Variants in LRRIQ1 observed in about 807,000 individuals in gnomAD.
LRRIQ1 encodes the protein leucine-rich repeat- and IQ domain-containing protein 1.
A neutral mutation model predicts 211.9 loss-of-function variants in LRRIQ1; 210 were observed. The ratio of observed to expected loss-of-function variants is 0.99; its 90% confidence interval spans 0.89 to 1.11. LRRIQ1 has a LOEUF of 1.11. LRRIQ1 is among the 50% of genes most tolerant of loss of function. The pLI, the probability that LRRIQ1 is intolerant of heterozygous loss-of-function variation, is 0.00. For synonymous variants in LRRIQ1, 699 were observed against 650.1 expected, an observed-to-expected ratio of 1.08 and a Z score of -1.14; for missense variants, 2,136 against 1,939.5, an observed-to-expected ratio of 1.10 and a Z score of -1.90.
chr12:85,242,158 T>G (rs1410460430), intron 26 of LRRIQ1, among the ~76,000 whole-genome samples: 1 of 152,002 alleles, frequency 6.6e-6, no homozygotes, highest in Admixed American at 6.6e-5. Context: ...TGACATTAAC[T>G]TGAGATTATT....
chr12:85,043,601 G>T (rs1256730208), intron 3 of LRRIQ1, among the ~76,000 whole-genome samples: 1 of 152,060 alleles, frequency 6.6e-6, no homozygotes, highest in Non-Finnish European at 1.5e-5. Context: ...AACTACACGG[G>T]ATATGTATAC....
At chr12:85,160,842 T>TTGAATAAC (rs1168357239) in intron 24 of LRRIQ1, 128 bp downstream of exon 24, 5 of 369,772 alleles carry the variant, frequency 1.4e-5, no homozygotes, top group Non-Finnish European at 1.8e-5. Flanking sequence ...TAACATATAC[T>TTGAATAAC]TGAATAACTC....
At chr12:85,091,474 TTGCTTTAC>T (rs1286374332) in intron 11 of LRRIQ1, among the ~76,000 whole-genome samples, 1 of 152,206 alleles carries the variant, frequency 6.6e-6, no homozygotes, top group Non-Finnish European at 1.5e-5. Flanking sequence ...ATAGTTTCTT[TTGCTTTAC>T]AGAAGCTCTT....
chr12:85,103,773 A>G (rs1266290453), intron 13 of LRRIQ1, among the ~76,000 whole-genome samples: 2 of 151,694 alleles, frequency 1.3e-5, no homozygotes, highest in East Asian at 3.9e-4. Flanking sequence ...CAAAATGAAT[A>G]GAAGTCTTCC....
At chr12:85,111,957 C>T in intron 15 of LRRIQ1, among the ~76,000 whole-genome samples, 1 of 150,226 alleles carries the variant, frequency 6.7e-6, no homozygotes, top group Non-Finnish European at 1.5e-5. Context: ...CACACACACA[C>T]ACACACACAC....
At chr12:85,153,625 T>G (rs1334497936) in intron 21 of LRRIQ1, 38 bp from the exon 22 acceptor site, 1 of 1,291,952 alleles carries the variant, frequency 7.7e-7, no homozygotes, top group South Asian at 1.3e-5. Context: ...GATATACTTG[T>G]GTTGATTCAG....
chr12:85,248,930 A>C (rs1055147488), downstream of LRRIQ1, among the ~76,000 whole-genome samples: 36 of 151,756 alleles, frequency 2.4e-4, no homozygotes, highest in African/African-American at 8.7e-4. Flanking sequence ...ATGAAAGAAG[A>C]AGCCCAGTTT....
Position 85,098,482 on chromosome 12 carries a change from T to G in LRRIQ1, c.3015T>G (p.Asp1005Glu), listed in dbSNP as rs753528223. 1.9e-6 allele frequency: 3 copies of G among 1,611,908 alleles called. No homozygotes were observed. Among genetic ancestry groups the G allele is most frequent in the Non-Finnish European group, 1.7e-6 (2 of 1,179,096 alleles). Reference sequence around the variant, plus strand: ...ATTGCTCCCATAATCATCTTACTGATGTAGAGGGCGTTGAAAATTGTGGAT... The same window carrying G: ...ATTGCTCCCATAATCATCTTACTGAGGTAGAGGGCGTTGAAAATTGTGGAT... Reference protein sequence around the residue: ...YLDCSHNHLTDVEGVENCGLL... With the variant: ...YLDCSHNHLTEVEGVENCGLL... Residue 1005 changes from aspartate (D) to glutamate (E), a missense_variant, in exon 12 of 27, where the codon GAT becomes GAG. Transcript: ENST00000393217.
chr12:85,174,723 A>AAAAAAAAAAAAAAAAAAAAAAC (rs1891602304), intron 24 of LRRIQ1, among the ~76,000 whole-genome samples: 1 of 148,370 alleles, frequency 6.7e-6, no homozygotes, highest in Non-Finnish European at 1.5e-5. Context: ...AAAAAAAAAA[A>AAAAAAAAAAAAAAAAAAAAAAC]TCTGAGATCC....
At chr12:85,218,004 A>G (rs1196528039) in intron 24 of LRRIQ1, among the ~76,000 whole-genome samples, 1 of 151,844 alleles carries the variant, frequency 6.6e-6, no homozygotes, top group African/African-American at 2.4e-5. Context: ...TTAAATTGAG[A>G]TGGTGAAACA....
chr12:85,243,348 T>C (rs1179469637), intron 26 of LRRIQ1, among the ~76,000 whole-genome samples: 3 of 144,014 alleles, frequency 2.1e-5, no homozygotes, highest in African/African-American at 7.9e-5. Flanking sequence ...TTATTATTAT[T>C]ATTATACTTT....
intron 24 of LRRIQ1, among the ~76,000 whole-genome samples, chr12:85,171,807 C>T (rs1036464558): frequency 6.6e-6 from 1 of 152,094 alleles, no homozygotes; most frequent in Admixed American, 6.6e-5. Flanking sequence ...AGAAGGTGGC[C>T]ATCTGCAAGC....
downstream of LRRIQ1, among the ~76,000 whole-genome samples, chr12:85,247,426 T>C (rs929157639): frequency 3.3e-5 from 5 of 151,786 alleles, no homozygotes; most frequent in South Asian, 6.2e-4. Flanking sequence ...TTTGAACTTT[T>C]CTAGATATTT....
At chr12:85,248,655 T>C (rs545267091), downstream of LRRIQ1, among the ~76,000 whole-genome samples, 22 of 151,816 alleles carry the variant, frequency 1.4e-4, no homozygotes, top group South Asian at 4.1e-4. Flanking sequence ...CTTTTTAATA[T>C]GGTATTGAAT....
chr12:85,080,810 T>G (rs1702358), intron 11 of LRRIQ1, among the ~76,000 whole-genome samples: 1 of 152,060 alleles, frequency 6.6e-6, no homozygotes, highest in Non-Finnish European at 1.5e-5. Context: ...GGATTTCCAG[T>G]GGGTAGTTTC....
chr12:85,160,120 C>G (rs1275078810), intron 23 of LRRIQ1, among the ~76,000 whole-genome samples: 1 of 151,884 alleles, frequency 6.6e-6, no homozygotes, highest in African/African-American at 2.4e-5. Context: ...CATTAAAAAT[C>G]TTGTTTCTTA....
chr12:85,137,384 T>C (rs1889209971), intron 18 of LRRIQ1, among the ~76,000 whole-genome samples: 1 of 151,672 alleles, frequency 6.6e-6, no homozygotes, highest in Admixed American at 6.6e-5. Context: ...TTATGCTTAA[T>C]TTATTTAAAA....
In LRRIQ1 at chr12:85,254,998, A is replaced by G. The variant is rs903228634; in HGVS notation, c.122-7917A>G. ...TCATGTTGGAGTTATATGTACATAT[A>G]TAATTTTCTATATATAGAAATCTTT... On this transcript the variant is annotated intron_variant, in intron 1 of 1. Transcript: ENST00000602731. 4.6e-5 allele frequency among the ~76,000 whole-genome samples: 7 copies of G among 152,048 alleles called. No individual in the cohort carries two copies. The East Asian group carries it at 7.7e-4, about 17-fold the overall frequency.
At chr12:85,265,247 T>G (rs973662262), downstream of LRRIQ1, among the ~76,000 whole-genome samples, 1 of 152,046 alleles carries the variant, frequency 6.6e-6, no homozygotes, top group East Asian at 1.9e-4. Context: ...AAGAGAAACA[T>G]AGTGATGTCC....
Sources: allele counts gnomAD v4.1 joint callset (sites outside exome capture counted in the v4.1 genomes callset), GRCh38; gene constraint gnomAD v4.1.1; transcripts MANE v1.5; gene names NCBI Gene and HGNC (gene_info 2026-07-23, HGNC 2026-07-21).